ADD3: variants seen among roughly 807,000 people sequenced by gnomAD.
The protein encoded by ADD3 is gamma-adducin.
Under a neutral mutation model 80.2 loss-of-function variants are expected in ADD3, and 25 were observed. That is an observed-to-expected ratio of 0.31 (90% CI 0.23 to 0.44). The LOEUF (loss-of-function observed/expected upper bound fraction) is 0.44. Ranked by LOEUF, ADD3 falls within the 20% of genes least tolerant of loss-of-function variation. The pLI is 1.00. For synonymous variants in ADD3, 284 were observed against 289.6 expected (o/e 0.98, Z 0.20); for missense variants, 829 against 847.5 (o/e 0.98, Z 0.27).
intron 1 of ADD3, among the ~76,000 whole-genome samples, chr10:110,063,763 A>ATATATATATATATG (rs1843544680): frequency 2.7e-5 from 2 of 74,026 alleles, no homozygotes; most frequent in African/African-American, 7.2e-5. Context: ...ATATATATAT[A>ATATATATATATATG]TATATATATA....
intron 1 of ADD3, among the ~76,000 whole-genome samples, chr10:110,043,511 G>C (rs1856595409): frequency 1.3e-5 from 2 of 152,110 alleles, no homozygotes; most frequent in African/African-American, 4.8e-5. Flanking sequence ...TGAATAGCTT[G>C]GTAAGAATGA....
intron 1 of ADD3, among the ~76,000 whole-genome samples, chr10:110,072,954 C>G (rs574123265): frequency 3.9e-5 from 6 of 151,988 alleles, no homozygotes; most frequent in Non-Finnish European, 7.4e-5. Flanking sequence ...TTTTTTCTCC[C>G]CTTGAGTTTT....
At chr10:110,024,048 A>G (rs1853996640) in intron 1 of ADD3, among the ~76,000 whole-genome samples, 1 of 152,160 alleles carries the variant, frequency 6.6e-6, no homozygotes, top group Non-Finnish European at 1.5e-5. Flanking sequence ...AGGGCTGAAA[A>G]ACTGTCCAGC....
chr10:110,130,270 A>G lies in ADD3; in HGVS notation c.1609-93A>G, dbSNP rs1000978319. 6.3e-6 allele frequency: 8 copies of G among 1,267,652 alleles called. No individual in the cohort carries two copies. The South Asian group carries it at 6.7e-5, about 11-fold the overall frequency. 78.5% of individuals were successfully genotyped at this position (1,267,652 alleles called of 1,614,324 possible). Reference sequence around the variant, plus strand: ...TGTGAAATAAGGCTTCACAAACATCATATTTGCATTTATGTGTATATAGAT... The same window carrying G: ...TGTGAAATAAGGCTTCACAAACATCGTATTTGCATTTATGTGTATATAGAT... On this transcript the variant is annotated intron_variant, in intron 12 of 14. Coordinates refer to ENST00000356080, the MANE Select transcript of ADD3 (RefSeq NM_016824.5).
At chr10:110,004,984 T>C (rs1208734300), upstream of ADD3, among the ~76,000 whole-genome samples, 1 of 152,222 alleles carries the variant, frequency 6.6e-6, no homozygotes, top group African/African-American at 2.4e-5. Flanking sequence ...GAATTGCCAC[T>C]GAAATAGCAT....
chr10:110,009,469 G>A (rs938507225), intron 1 of ADD3, among the ~76,000 whole-genome samples: 2 of 152,118 alleles, frequency 1.3e-5, no homozygotes, highest in African/African-American at 4.8e-5. Context: ...TCGTTTTCAA[G>A]TTAAATACTT....
At chr10:110,092,703 G>A (rs931086207) in intron 1 of ADD3, among the ~76,000 whole-genome samples, 5 of 151,864 alleles carry the variant, frequency 3.3e-5, no homozygotes, top group African/African-American at 1.2e-4. Context: ...ACCTGCACAT[G>A]TACCCCCTGA....
chr10:110,028,965 C>G (rs181422644), intron 1 of ADD3, among the ~76,000 whole-genome samples: 1 of 151,772 alleles, frequency 6.6e-6, no homozygotes, highest in East Asian at 1.9e-4. Flanking sequence ...CCGCAACCTC[C>G]GCCTCCCGGG....
upstream of ADD3, among the ~76,000 whole-genome samples, chr10:110,004,411 G>A (rs1388118957): frequency 2.0e-5 from 3 of 152,102 alleles, no homozygotes; most frequent in Non-Finnish European, 4.4e-5. Context: ...GCATGCGCCT[G>A]TAGTCCCAGG....
At position 110,115,219 on chromosome 10, in the gene ADD3, G is replaced by T. The variant is rs181996473; in HGVS notation, c.335-1040G>T. 1.8e-3 allele frequency among the ~76,000 whole-genome samples: 273 copies of T among 152,108 alleles called. 1 individual carries two copies. Among genetic ancestry groups the T allele is most frequent in the Non-Finnish European group, 3.4e-3 (232 of 67,974 alleles). ...ACCCTGACCAACAAGGAAAAAACCTGTCTCTACTAAAATACAAAATTAGCT... is the reference window on the plus strand; with the variant it reads ...ACCCTGACCAACAAGGAAAAAACCTTTCTCTACTAAAATACAAAATTAGCT... On this transcript the variant is annotated intron_variant, in intron 3 of 14. Transcript: ENST00000356080.
At chr10:110,022,035 T>A (rs1203448290) in intron 1 of ADD3, among the ~76,000 whole-genome samples, 2 of 152,212 alleles carry the variant, frequency 1.3e-5, no homozygotes, top group East Asian at 3.8e-4. Flanking sequence ...CTCAACCTGG[T>A]TTAGCCTGCT....
intron 3 of ADD3, 136 bp from the exon 4 acceptor site, chr10:110,116,123 T>C: frequency 1.3e-6 from 1 of 746,792 alleles, no homozygotes; most frequent in Non-Finnish European, 2.2e-6. Flanking sequence ...TAATAAAATA[T>C]TATATGGGCT....
chr10:110,094,666 A>G (rs1379795483), intron 1 of ADD3, among the ~76,000 whole-genome samples: 6 of 152,172 alleles, frequency 3.9e-5, no homozygotes, highest in Non-Finnish European at 5.9e-5. Context: ...CTAGCATTTA[A>G]AAGCAGCTCA....
At chr10:110,002,385 T>C (rs561852292), upstream of ADD3, among the ~76,000 whole-genome samples, 35 of 151,974 alleles carry the variant, frequency 2.3e-4, no homozygotes, top group African/African-American at 8.0e-4. Context: ...GCCATTCTCC[T>C]GCCTCAGCCT....
At chr10:110,051,865 C>G (rs1298311887) in intron 1 of ADD3, among the ~76,000 whole-genome samples, 1 of 152,152 alleles carries the variant, frequency 6.6e-6, no homozygotes, top group East Asian at 1.9e-4. Context: ...TGTAGTGGCA[C>G]GAACATGGCT....
chr10:109,996,711 G>A (rs1000089165), intron 1 of ADD3, among the ~76,000 whole-genome samples: 1 of 152,152 alleles, frequency 6.6e-6, no homozygotes, highest in Admixed American at 6.5e-5. Flanking sequence ...TTAGTCTGAA[G>A]GTAGAAACTC....
chr10:110,074,344 T>C (rs978488853), intron 1 of ADD3, among the ~76,000 whole-genome samples: 1 of 152,370 alleles, frequency 6.6e-6, no homozygotes, highest in Non-Finnish European at 1.5e-5. Flanking sequence ...TGGAAGCTTA[T>C]GGAATGTTTC....
intron 1 of ADD3, among the ~76,000 whole-genome samples, chr10:110,068,601 A>G (rs1415107696): frequency 6.6e-6 from 1 of 152,190 alleles, no homozygotes; most frequent in Admixed American, 6.5e-5. Flanking sequence ...GGACAGCTGT[A>G]CATATACACT....
At chr10:110,131,020 T>G (rs1400718093) in intron 13 of ADD3, among the ~76,000 whole-genome samples, 3 of 152,218 alleles carry the variant, frequency 2.0e-5, no homozygotes, top group African/African-American at 4.8e-5. Flanking sequence ...GCTTTTTAAC[T>G]CTCTTAATTT....
Sources: allele counts gnomAD v4.1 joint callset (sites outside exome capture counted in the v4.1 genomes callset), GRCh38; gene constraint gnomAD v4.1.1; transcripts MANE v1.5; gene names NCBI Gene and HGNC (gene_info 2026-07-23, HGNC 2026-07-21).